CKAP2L: variants seen among roughly 807,000 people sequenced by gnomAD.
The protein encoded by CKAP2L is cytoskeleton associated protein 2L, also known as cytoskeleton-associated protein 2-like.
In CKAP2L, 42 loss-of-function variants were observed where a neutral mutation model predicts 65.7. The ratio of observed to expected loss-of-function variants is 0.64; its 90% CI spans 0.50 to 0.83. The LOEUF (loss-of-function observed/expected upper bound fraction) is 0.83. Among genes scored for constraint, CKAP2L ranks in the 40% least tolerant of loss-of-function variants. CKAP2L has a pLI of 0.00. For missense variants in CKAP2L, 908 were observed against 871.0 expected (o/e 1.04, Z -0.53); for synonymous variants, 325 against 313.5 (o/e 1.04, Z -0.39).
intron 7 of CKAP2L, 76 bp downstream of exon 7, chr2:112,742,630 C>T: frequency 2.0e-6 from 2 of 1,018,408 alleles, no homozygotes; most frequent in Non-Finnish European, 1.5e-6. Flanking sequence ...TTCTTTTCTT[C>T]TTTTTCCTAT....
chr2:112,759,537 A>G (rs1289661010), intron 3 of CKAP2L, among the ~76,000 whole-genome samples: 1 of 152,178 alleles, frequency 6.6e-6, no homozygotes, highest in East Asian at 1.9e-4. Flanking sequence ...TACTGAAGTC[A>G]GTATTGTCAA....
rs765099021 is a variant in CKAP2L, at chr2:112,757,183, T to A, written c.188A>T (p.His63Leu). The A allele has an allele frequency of 1.2e-6, 2 of 1,610,658 alleles. No homozygotes were observed. The change falls in exon 4 of 9, where the codon CAT becomes CTT. Residue 63 changes from histidine to leucine, a missense_variant. His to Leu is a moderately conservative substitution (Grantham distance 99, BLOSUM62 -3). Transcript: ENST00000302450. Reference protein sequence around the residue: ...TIRPKNDVTNHVVLPVKPKRS... With the variant: ...TIRPKNDVTNLVVLPVKPKRS... The stretch of plus-strand genomic sequence containing the variant: ...TTTAGGTTTGACAGGCAAAACAACA[T>A]GGTTGGTAACATCATTTTTGGGTCT...
intron 4 of CKAP2L, among the ~76,000 whole-genome samples, chr2:112,754,317 T>G (rs1341824417): frequency 6.6e-6 from 1 of 152,176 alleles, no homozygotes; most frequent in East Asian, 1.9e-4. Context: ...CATTTCTGAC[T>G]CCAGAGCAAC....
intron 3 of CKAP2L, among the ~76,000 whole-genome samples, chr2:112,758,754 A>T (rs973154597): frequency 6.6e-6 from 1 of 152,236 alleles, no homozygotes; most frequent in East Asian, 1.9e-4. Flanking sequence ...CACAAACCAT[A>T]AAATTCACCA....
At position 112,736,815 on chromosome 2, in the gene CKAP2L, G is replaced by T. The variant is rs185297506; in HGVS notation, c.*2008C>A. 1.3e-5 allele frequency: 2 copies of T among 152,146 alleles called. No individual in the cohort carries two copies. Among genetic ancestry groups the T allele is most frequent in the Non-Finnish European group, 2.9e-5 (2 of 68,032 alleles). The allele number at this position is 152,146 out of a possible 1,614,324, so 9.4% of individuals were successfully genotyped here. A position where few individuals can be genotyped will look rare whatever the true frequency, so the allele number is the denominator to read the frequency against. Reference sequence around the variant, plus strand: ...TACTATTCCACGGCATGCATATGCCGTATTTTCTTTATTTGTCCATTGATG... The same window carrying T: ...TACTATTCCACGGCATGCATATGCCTTATTTTCTTTATTTGTCCATTGATG... On this transcript the variant is annotated 3_prime_UTR_variant, in exon 9 of 9. Coordinates refer to ENST00000302450, the MANE Select transcript of CKAP2L (RefSeq NM_152515.5).
intron 6 of CKAP2L, among the ~76,000 whole-genome samples, chr2:112,743,828 C>A (rs1391630727): frequency 1.3e-5 from 2 of 151,940 alleles, no homozygotes; most frequent in African/African-American, 2.4e-5. Flanking sequence ...GAAAAAAAAA[C>A]CTTCATGGAA....
At chr2:112,760,628 T>C in intron 3 of CKAP2L, 85 bp downstream of exon 3, 1 of 702,158 alleles carries the variant, frequency 1.4e-6, no homozygotes, top group Non-Finnish European at 2.4e-6. Context: ...AAATACATGT[T>C]CTTTAGGTTG....
chr2:112,742,935 A>G (rs1558755263), intron 6 of CKAP2L, 166 bp from the exon 7 acceptor site: 1 of 579,962 alleles, frequency 1.7e-6, no homozygotes, highest in Non-Finnish European at 3.0e-6. Flanking sequence ...CTTCATGAGA[A>G]AAGTAAAGGA....
At chr2:112,763,205 C>CT (rs1211728627) in intron 1 of CKAP2L, among the ~76,000 whole-genome samples, 2 of 152,194 alleles carry the variant, frequency 1.3e-5, no homozygotes, top group Admixed American at 1.3e-4. Context: ...AATTCCAGGA[C>CT]TTGAAAACAG....
intron 6 of CKAP2L, 72 bp from the exon 7 acceptor site, chr2:112,742,841 T>A: frequency 1.1e-6 from 1 of 936,544 alleles, no homozygotes; most frequent in Non-Finnish European, 1.7e-6. Context: ...GAACTTTAAC[T>A]TCAAATACAT....
intron 3 of CKAP2L, among the ~76,000 whole-genome samples, chr2:112,758,487 A>T (rs374336086): frequency 1.3e-5 from 2 of 152,324 alleles, no homozygotes; most frequent in Admixed American, 6.5e-5. Flanking sequence ...GAGGGCAAAG[A>T]GATGTCTACT....
At chr2:112,745,737 C>T (rs919157396) in intron 6 of CKAP2L, among the ~76,000 whole-genome samples, 11 of 152,054 alleles carry the variant, frequency 7.2e-5, no homozygotes, top group African/African-American at 2.4e-4. Flanking sequence ...CCAGAATTTC[C>T]ATGACTCTAA....
intron 4 of CKAP2L, 61 bp downstream of exon 4, chr2:112,755,916 C>T: frequency 6.8e-7 from 1 of 1,475,126 alleles, no homozygotes; most frequent in Non-Finnish European, 9.1e-7. Context: ...ACCTAGTCTT[C>T]TTGATGGTCA....
Position 112,756,528 on chromosome 2 carries a change from G to C in CKAP2L, c.843C>G (p.His281Gln). The C allele has an allele frequency of 1.9e-6, 3 of 1,609,428 alleles. No homozygotes were observed. The highest frequency in any genetic ancestry group is 1.7e-5 in the Admixed American group (1 of 59,020). Residue 281 changes from histidine to glutamine, a missense_variant, in exon 4 of 9, where the codon CAC (histidine) becomes CAG (glutamine). Transcript: ENST00000302450. ...GVKPSRTVPS[H>Q]FIRTLSKVQS... ...GAACTTTACTAAGGGTCCGAATAAAGTGAGAGGGAACCGTCCTTGAGGGTT... is the reference window on the plus strand; with the variant it reads ...GAACTTTACTAAGGGTCCGAATAAACTGAGAGGGAACCGTCCTTGAGGGTT...
intron 5 of CKAP2L, among the ~76,000 whole-genome samples, chr2:112,749,992 T>C (rs1680317481): frequency 6.6e-6 from 1 of 152,152 alleles, no homozygotes; most frequent in South Asian, 2.1e-4. Flanking sequence ...CCCACCTCCC[T>C]GTGCAGCTTC....
intron 6 of CKAP2L, among the ~76,000 whole-genome samples, chr2:112,743,102 A>G (rs749710023): frequency 5.3e-5 from 8 of 152,180 alleles, no homozygotes; most frequent in Admixed American, 1.3e-4. Flanking sequence ...TTCTGGCCCA[A>G]TGATGTAAAG....
intron 3 of CKAP2L, among the ~76,000 whole-genome samples, chr2:112,760,060 A>C (rs1252035587): frequency 2.6e-5 from 4 of 152,220 alleles, no homozygotes; most frequent in Non-Finnish European, 5.9e-5. Flanking sequence ...ACTATGTTTT[A>C]AAAAACTAAA....
intron 6 of CKAP2L, chr2:112,743,025 T>TCTA (rs1269412977): frequency 6.8e-5 from 32 of 470,170 alleles, no homozygotes; most frequent in South Asian, 5.5e-4. Flanking sequence ...ATGTAATTTG[T>TCTA]CTACATCAAA....
intron 5 of CKAP2L, among the ~76,000 whole-genome samples, chr2:112,749,471 AT>A (rs1680301318): frequency 6.6e-6 from 1 of 152,238 alleles, no homozygotes; most frequent in Non-Finnish European, 1.5e-5. Flanking sequence ...GATATACATT[AT>A]TTTCAAACAC....
Sources: gnomAD v4.1 joint callset for allele counts (sites outside exome capture counted in the v4.1 genomes callset) on GRCh38, gnomAD v4.1.1 for gene constraint, MANE v1.5 for transcripts, NCBI Gene and HGNC (gene_info 2026-07-23, HGNC 2026-07-21) for gene names.